Variants in INTS1 observed in about 807,000 individuals in gnomAD.
INTS1 encodes the protein integrator complex subunit 1.
A neutral mutation model predicts 241.6 loss-of-function variants in INTS1; 137 were observed. That is an observed-to-expected ratio of 0.57 (90% CI 0.49 to 0.65). The LOEUF (loss-of-function observed/expected upper bound fraction) is 0.65. Ranked by LOEUF, INTS1 falls within the 30% of genes least tolerant of loss-of-function variation. INTS1 has a pLI of 0.00. For synonymous variants in INTS1, 1,692 were observed against 1,337.8 expected (o/e 1.26, Z -5.78); for missense variants, 3,073 against 3,032.2 (o/e 1.01, Z -0.32).
intron 20 of INTS1, 33 bp downstream of exon 20, chr7:1,487,287 A>T: frequency 6.4e-7 from 1 of 1,564,526 alleles, no homozygotes; most frequent in Non-Finnish European, 8.7e-7. Context: ...TCCCAAGACC[A>T]CCATCTCTAC....
At chr7:1,496,960 G>A (rs1197020951) in intron 11 of INTS1, among the ~76,000 whole-genome samples, 178 bp downstream of exon 11, 2 of 152,146 alleles carry the variant, frequency 1.3e-5, no homozygotes, top group South Asian at 4.1e-4. Flanking sequence ...CCTCACACAG[G>A]ACAGAGCCTA....
At chr7:1,483,334 G>A (rs906691120) in intron 26 of INTS1, 1 of 334,928 alleles carries the variant, frequency 3.0e-6, no homozygotes, top group Non-Finnish European at 5.8e-6. Flanking sequence ...GCGTCCTCAG[G>A]GTCACTCGCC....
intron 24 of INTS1, among the ~76,000 whole-genome samples, chr7:1,484,665 G>C (rs79715558): frequency 6.6e-6 from 1 of 152,206 alleles, no homozygotes; most frequent in Non-Finnish European, 1.5e-5. Flanking sequence ...AACCCTCCTG[G>C]CGTCGGGGAG....
intron 11 of INTS1, 125 bp from the exon 12 acceptor site, chr7:1,496,389 G>A (rs1262537189): frequency 1.9e-5 from 9 of 477,058 alleles, no homozygotes; most frequent in Middle Eastern, 5.4e-4. Context: ...CCACACCCAC[G>A]TGGGCGCGGC....
intron 25 of INTS1, 59 bp from the exon 26 acceptor site, chr7:1,483,912 G>C (rs1782118843): frequency 1.3e-6 from 2 of 1,587,776 alleles, no homozygotes; most frequent in African/African-American, 1.3e-5. Context: ...CCAGCGCCGA[G>C]GGTACCCAGC....
Position 1,485,329 on chromosome 7 carries a change from G to A in INTS1, c.3117C>T (p.Phe1039=), listed in dbSNP as rs200064072. 1.0e-4 allele frequency: 168 copies of A among 1,612,100 alleles called. No homozygotes were observed. The highest frequency in any genetic ancestry group is 1.3e-4 in the Non-Finnish European group (158 of 1,179,796). ...GGGCTGTGGTGCTCCTGACGCTGTC[G>A]AACAGAGGCAGGCGAGGCAGGTCCC... ...LLRDLPRLPL[F]DSVRSTTALA... is the part of the protein sequence containing the mutation. Residue 1039 remains phenylalanine (F), a synonymous_variant, in exon 23 of 48, where the codon TTC becomes TTT. Transcript: ENST00000404767.
At chr7:1,496,535 C>T (rs529953042) in intron 11 of INTS1, among the ~76,000 whole-genome samples, 62 of 152,252 alleles carry the variant, frequency 4.1e-4, no homozygotes, top group African/African-American at 1.3e-3. Context: ...CACACACTTG[C>T]ACATGCGCAC....
chr7:1,481,575 G>T lies in INTS1; in HGVS notation c.3704-87C>A, dbSNP rs1211318201. On this transcript the variant is annotated intron_variant, in intron 27 of 47. Transcript: ENST00000404767. The surrounding 1 kb of genome is among the most constrained non-coding windows in gnomAD (Gnocchi z 6.8). ...ACCCGAGACCTGGGGCTGCCTGTGT[G>T]CAGTGACCCCACCCACCTGAGACCC... 1 of 1,412,204 alleles carries T rather than the reference G, an allele frequency of 7.1e-7. No individual in the cohort carries two copies. Among genetic ancestry groups the T allele is most frequent in the Non-Finnish European group, 9.4e-7 (1 of 1,060,248 alleles). The allele number at this position is 1,412,204 out of a possible 1,614,324, so 87.5% of individuals were successfully genotyped here.
At chr7:1,491,711 G>C (rs1356453964) in intron 16 of INTS1, among the ~76,000 whole-genome samples, 1 of 152,122 alleles carries the variant, frequency 6.6e-6, no homozygotes, top group African/African-American at 2.4e-5. Context: ...AAACAGCCTG[G>C]GCAATAAAGT....
Position 1,485,460 on chromosome 7 carries a change from G to A in INTS1, c.2986C>T (p.Leu996=), listed in dbSNP as rs1467339264. ...SRVLAMKGLS[L]VLSEGSLRDG... is the part of the protein sequence containing the mutation. ...CGCAGGCTGCCCTCCGAAAGCACCA[G>A]CGACAAACCCTGTGGCAGACACTCA... The change falls in exon 23 of 48, where the codon CTG becomes TTG. Residue 996 remains leucine, a synonymous_variant. Transcript: ENST00000404767. 2 of 1,612,168 alleles carry A rather than the reference G, an allele frequency of 1.2e-6. No individual in the cohort carries two copies. The highest frequency in any genetic ancestry group is 1.7e-6 in the Non-Finnish European group (2 of 1,179,812).
At chr7:1,478,582 C>CCTCCCT in intron 32 of INTS1, 76 bp from the exon 33 acceptor site, 4 of 1,544,182 alleles carry the variant, frequency 2.6e-6, no homozygotes, top group Non-Finnish European at 3.5e-6. Flanking sequence ...GGAGGCCCCA[C>CCTCCCT]GGTAGAAGGG....
In INTS1 at chr7:1,482,420, CCT is replaced by C. The variant is rs757932920; in HGVS notation, c.3703+124_3703+125del. The C allele has an allele frequency of 5.4e-4, 496 of 924,482 alleles. 2 individuals are homozygous for C. Among genetic ancestry groups the C allele is most frequent in the Non-Finnish European group, 6.4e-4 (405 of 631,748 alleles). 57.3% of individuals were successfully genotyped at this position (924,482 alleles called of 1,614,324 possible). On this transcript the variant is annotated intron_variant, in intron 27 of 47. Coordinates refer to ENST00000404767, the MANE Select transcript of INTS1 (RefSeq NM_001080453.3). ...CCAGGACATATGGTCTGCAGGATCC[CCT>C]GAGGCTACCCGGCCAGTCTTCTCCT...
intron 45 of INTS1, 108 bp from the exon 46 acceptor site, chr7:1,471,332 G>T (rs1781459205): frequency 8.3e-7 from 1 of 1,202,982 alleles, no homozygotes. Flanking sequence ...GGGACCCTAG[G>T]CCCCTATCCA....
At position 1,497,412 on chromosome 7, in the gene INTS1, C is replaced by CCA; in HGVS notation, c.1426-99_1426-98insTG. On this transcript the variant is annotated intron_variant, in intron 10 of 47. Coordinates refer to ENST00000404767, the MANE Select transcript of INTS1 (RefSeq NM_001080453.3). The surrounding 1 kb of genome is among the most constrained non-coding windows in gnomAD (Gnocchi z 5.3). ...CCAACAGGTATGGCGCCCGAGGGCG[C>CCA]TGCAGTGGGTCTCAGACAGTGTGGG... 1 of 1,305,342 alleles carries CCA rather than the reference C, an allele frequency of 7.7e-7. No individual in the cohort carries two copies. Among genetic ancestry groups the CCA allele is most frequent in the Non-Finnish European group, 1.0e-6 (1 of 963,974 alleles). The allele number at this position is 1,305,342 out of a possible 1,614,324, so 80.9% of individuals were successfully genotyped here. A position where few individuals can be genotyped will look rare whatever the true frequency, so the allele number is the denominator to read the frequency against.
intron 2 of INTS1, 49 bp from the exon 3 acceptor site, chr7:1,503,240 T>G: frequency 6.7e-7 from 1 of 1,500,930 alleles, no homozygotes. Context: ...ACACCCAAGA[T>G]GGAAAAAGAC....
At position 1,485,138 on chromosome 7, in the gene INTS1, G is replaced by C; in HGVS notation, c.3221C>G (p.Thr1074Arg). The change falls in exon 24 of 48, where the codon ACG (threonine) becomes AGG (arginine). Residue 1074 changes from threonine (T) to arginine (R), a missense_variant. Transcript: ENST00000404767. ...SAYLIYLSQH[T>R]PVEEQAQHSD... Reference sequence around the variant, plus strand: ...GTGCTGGGCCTGCTCCTCCACAGGCGTGTGCTGGGACAAGTAGATCAGGTA... The same window carrying C: ...GTGCTGGGCCTGCTCCTCCACAGGCCTGTGCTGGGACAAGTAGATCAGGTA... The C allele has an allele frequency of 6.2e-7, 1 of 1,601,130 alleles. No homozygotes were observed. The highest frequency in any genetic ancestry group is 8.5e-7 in the Non-Finnish European group (1 of 1,179,594).
chr7:1,502,414 T>C (rs916201779), intron 3 of INTS1, among the ~76,000 whole-genome samples: 8 of 152,126 alleles, frequency 5.3e-5, no homozygotes, highest in Admixed American at 4.6e-4. Flanking sequence ...CATTCCCCCG[T>C]TGATGTCCTT....
At chr7:1,498,189 G>A (rs958864192) in intron 10 of INTS1, among the ~76,000 whole-genome samples, 3 of 152,360 alleles carry the variant, frequency 2.0e-5, no homozygotes, top group Middle Eastern at 3.4e-3. Flanking sequence ...TAAATGGACA[G>A]AGTGTCAGTT....
chr7:1,474,318 G>A lies in INTS1; in HGVS notation c.5679C>T (p.His1893=), dbSNP rs1484104373. The A allele has an allele frequency of 6.2e-7, 1 of 1,607,762 alleles. No homozygotes were observed. Among genetic ancestry groups the A allele is most frequent in the South Asian group, 1.1e-5 (1 of 90,952 alleles). ...GCTGCCGGAACTCCTGGAAGTTGAG[G>A]TGGGTGCGGCCGTGCAGGAGCGCCG... ...MIAALLHGRT[H]LNFQEFRQQN... The change falls in exon 41 of 48, where the codon CAC becomes CAT. Residue 1893 remains histidine (H), a synonymous_variant. Transcript: ENST00000404767.
Sources: gnomAD v4.1 joint callset for allele counts (sites outside exome capture counted in the v4.1 genomes callset) on GRCh38, gnomAD v4.1.1 for gene constraint, Gnocchi (gnomAD v3.1) non-coding constraint, MANE v1.5 for transcripts, NCBI Gene and HGNC (gene_info 2026-07-23, HGNC 2026-07-21) for gene names.